Variants in TRERF1 observed in about 807,000 individuals in gnomAD.
The protein encoded by TRERF1 is transcriptional-regulating factor 1.
In TRERF1, 27 loss-of-function variants were observed where a neutral mutation model predicts 122.9. The ratio of observed to expected loss-of-function variants is 0.22; its 90% CI spans 0.16 to 0.30. The LOEUF is 0.30. TRERF1 is among the 10% of genes least tolerant of loss of function. The pLI is 1.00. For missense variants in TRERF1, 1,248 were observed against 1,560.3 expected (o/e 0.80, Z 3.37); for synonymous variants, 636 against 641.7 (o/e 0.99, Z 0.13).
At chr6:42,241,473 T>A (rs910641967) in intron 15 of TRERF1, among the ~76,000 whole-genome samples, 14 of 152,166 alleles carry the variant, frequency 9.2e-5, no homozygotes, top group Admixed American at 3.3e-4. Context: ...TCCAATTTTT[T>A]TTTTTCAGAT....
chr6:42,369,748 T>A (rs1214885783), intron 2 of TRERF1, among the ~76,000 whole-genome samples: 1 of 152,168 alleles, frequency 6.6e-6, no homozygotes, highest in African/African-American at 2.4e-5. Flanking sequence ...CCTGCTGCCC[T>A]CTCTGGCCCA....
chr6:42,302,170 T>A (rs1056633716), intron 3 of TRERF1, among the ~76,000 whole-genome samples: 3 of 152,206 alleles, frequency 2.0e-5, no homozygotes, highest in Non-Finnish European at 2.9e-5. Context: ...CTGGGACATT[T>A]CAGAAAATAA....
At chr6:42,382,963 A>T (rs746423490) in intron 2 of TRERF1, among the ~76,000 whole-genome samples, 4 of 152,122 alleles carry the variant, frequency 2.6e-5, no homozygotes, top group Admixed American at 1.3e-4. Context: ...AATCACTCCC[A>T]GTTGAGAACC....
chr6:42,314,464 T>C (rs1018424852), intron 3 of TRERF1, among the ~76,000 whole-genome samples: 1 of 152,140 alleles, frequency 6.6e-6, no homozygotes, highest in African/African-American at 2.4e-5. Context: ...CTCATGCATC[T>C]AAAAAAATAC....
chr6:42,281,633 C>G (rs1782318881), intron 4 of TRERF1, among the ~76,000 whole-genome samples: 1 of 152,114 alleles, frequency 6.6e-6, no homozygotes, highest in Non-Finnish European at 1.5e-5. Flanking sequence ...CTGAGGTGGT[C>G]CAGAATTACA....
chr6:42,270,205 G>A lies in TRERF1; in HGVS notation c.-258-357C>T, dbSNP rs759203524. ...CACCTCTCTCTCTCTCTGTGTGTGT[G>A]TATATATATATATGAAACAGGAGAC... On this transcript the variant is annotated intron_variant, in intron 4 of 17. Transcript: ENST00000372922. Among the ~76,000 whole-genome samples the A allele has an allele frequency of 1.1e-3, 166 of 151,684 alleles. 1 individual carries two copies. The highest frequency in any genetic ancestry group is 2.0e-3 in the Admixed American group (30 of 15,216).
intron 3 of TRERF1, among the ~76,000 whole-genome samples, chr6:42,348,207 A>G (rs1768708490): frequency 6.6e-6 from 1 of 152,050 alleles, no homozygotes; most frequent in Admixed American, 6.6e-5. Context: ...ACACATACAC[A>G]CACACACCCA....
chr6:42,424,796 C>A (rs1342243421), intron 2 of TRERF1, among the ~76,000 whole-genome samples: 1 of 152,174 alleles, frequency 6.6e-6, no homozygotes, highest in Non-Finnish European at 1.5e-5. Flanking sequence ...AAAAAGAGAT[C>A]CTCTCCCAGC....
rs76886956 is a variant in TRERF1 at position 42,367,727 on chromosome 6, C to T, written c.-453-4648G>A. On this transcript the variant is annotated intron_variant, in intron 2 of 17. Coordinates refer to ENST00000372922, the Ensembl canonical transcript of TRERF1. ...TCCTGCTCTCTCTCCCACCCCTACC[C>T]ACTCAGGCATCTAGGACATCAGGTA... Among the ~76,000 whole-genome samples, 873 of 152,290 alleles carry T rather than the reference C, an allele frequency of 5.7e-3. 9 individuals are homozygous for T. The highest frequency in any genetic ancestry group is 0.02 in the African/African-American group (813 of 41,550).
chr6:42,438,629 G>A (rs976668894), intron 2 of TRERF1, among the ~76,000 whole-genome samples: 25 of 53,076 alleles, frequency 4.7e-4, no homozygotes, highest in African/African-American at 8.0e-4. Context: ...AAAGAAAAAG[G>A]AAAAAAGAAA....
At chr6:42,256,675 T>C (rs1397544978) in intron 12 of TRERF1, 53 bp downstream of exon 12, 20 of 1,536,064 alleles carry the variant, frequency 1.3e-5, no homozygotes, top group Non-Finnish European at 1.7e-5. Flanking sequence ...ATATTGAAAC[T>C]TGGGAAAATA....
chr6:42,421,100 G>C (rs1477648913), intron 2 of TRERF1, among the ~76,000 whole-genome samples: 1 of 152,130 alleles, frequency 6.6e-6, no homozygotes, highest in Non-Finnish European at 1.5e-5. Context: ...CAGTCTCTTT[G>C]AACTTGAATT....
chr6:42,364,408 C>T (rs191881869), intron 2 of TRERF1, among the ~76,000 whole-genome samples: 25 of 152,326 alleles, frequency 1.6e-4, no homozygotes, highest in African/African-American at 6.0e-4. Context: ...TTTCATCCCC[C>T]TTTCCCCACT....
At chr6:42,391,048 C>T (rs934211603) in intron 2 of TRERF1, among the ~76,000 whole-genome samples, 1 of 152,192 alleles carries the variant, frequency 6.6e-6, no homozygotes, top group Admixed American at 6.5e-5. Context: ...GGGACATGGA[C>T]ACCATTTGGC....
In TRERF1 at chr6:42,259,761, C is replaced by A. The variant is rs1325121049; in HGVS notation, c.1885-38G>T. The A allele has an allele frequency of 6.3e-6, 10 of 1,598,506 alleles. No individual in the cohort carries two copies. The highest frequency in any genetic ancestry group is 7.6e-6 in the Non-Finnish European group (9 of 1,179,456). ...CAACGATCTGATTCGAATACTTCAG[C>A]TTCCCCCGCAGGCCATTTCCACAGG... On this transcript the variant is annotated intron_variant, in intron 8 of 17. Transcript: ENST00000372922. This position sits in a 1 kb window ranked among gnomAD's most constrained non-coding sequence, Gnocchi z 4.9.
intron 3 of TRERF1, among the ~76,000 whole-genome samples, chr6:42,342,098 T>G (rs1258788740): frequency 6.6e-6 from 1 of 152,274 alleles, no homozygotes; most frequent in African/African-American, 2.4e-5. Context: ...ATGTGTCTAC[T>G]GGGCTCCCCC....
chr6:42,253,592 GGA>G (rs1776218194), intron 13 of TRERF1, among the ~76,000 whole-genome samples: 1 of 152,186 alleles, frequency 6.6e-6, no homozygotes, highest in South Asian at 2.1e-4. Flanking sequence ...TTAGGCCACC[GGA>G]GAAGTGATGA....
At chr6:42,364,715 G>C (rs548450693) in intron 2 of TRERF1, among the ~76,000 whole-genome samples, 2 of 152,338 alleles carry the variant, frequency 1.3e-5, no homozygotes, top group South Asian at 4.1e-4. Flanking sequence ...AAACCCACCG[G>C]GTCCCTGCTC....
At chr6:42,314,924 G>C (rs1405039933) in intron 3 of TRERF1, among the ~76,000 whole-genome samples, 1 of 152,212 alleles carries the variant, frequency 6.6e-6, no homozygotes, top group African/African-American at 2.4e-5. Context: ...GGAGCGAATA[G>C]GTTGGTCGCA....
Sources: gnomAD v4.1 joint callset for allele counts (sites outside exome capture counted in the v4.1 genomes callset) on GRCh38, gnomAD v4.1.1 for gene constraint, Gnocchi (gnomAD v3.1) non-coding constraint, MANE v1.5 for transcripts, NCBI Gene and HGNC (gene_info 2026-07-23, HGNC 2026-07-21) for gene names.